Variants in PAX8 observed in about 807,000 individuals in gnomAD.
The protein encoded by PAX8 is paired box protein Pax-8.
PAX8 carries 15 observed loss-of-function variants against 52.4 expected under a neutral mutation model. The observed-to-expected ratio is 0.29, with a 90% CI of 0.19 to 0.44. The LOEUF (loss-of-function observed/expected upper bound fraction) is 0.44. Among genes scored for constraint, PAX8 ranks in the 20% least tolerant of loss-of-function variants. The pLI, the probability that PAX8 is intolerant of heterozygous loss-of-function variation, is 1.00. For missense variants in PAX8, 554 were observed against 602.5 expected (o/e 0.92, Z 0.84); for synonymous variants, 284 against 249.7 (o/e 1.14, Z -1.29).
intron 5 of PAX8, 76 bp from the exon 6 acceptor site, chr2:113,242,206 AC>A: frequency 1.5e-6 from 2 of 1,336,030 alleles, no homozygotes; most frequent in Non-Finnish European, 2.1e-6. Context: ...TGGGGTAGTT[AC>A]AGTTGAGCTG....
intron 2 of PAX8, among the ~76,000 whole-genome samples, chr2:113,251,259 T>C (rs1191452723): frequency 6.6e-6 from 1 of 151,884 alleles, no homozygotes; most frequent in Admixed American, 6.6e-5. Context: ...GCACTGGGGT[T>C]GGGGGGACGA....
intron 9 of PAX8, among the ~76,000 whole-genome samples, chr2:113,229,311 T>A (rs557854598): frequency 6.1e-4 from 93 of 152,350 alleles, no homozygotes; most frequent in Non-Finnish European, 9.8e-4. Context: ...GGCACCTTAT[T>A]ACAATTTCTA....
chr2:113,244,689 A>C, intron 3 of PAX8, 65 bp from the exon 4 acceptor site: 2 of 1,449,126 alleles, frequency 1.4e-6, no homozygotes, highest in South Asian at 2.3e-5. Flanking sequence ...ACAGGGATTT[A>C]GCCAGAGCCT....
intron 2 of PAX8, chr2:113,255,242 GGGGAGGAGGGA>G (rs1180290813): frequency 0.025 from 304 of 12,168 alleles, 33 homozygotes; most frequent in East Asian, 0.087. Context: ...GGAGGAGGGA[GGGGAGGAGGGA>G]GGGAGGAGGG....
intron 2 of PAX8, among the ~76,000 whole-genome samples, chr2:113,247,870 C>A (rs1185301933): frequency 6.6e-6 from 1 of 152,206 alleles, no homozygotes; most frequent in Non-Finnish European, 1.5e-5. Flanking sequence ...GACCAGCAAA[C>A]AGCCAGTTAA....
Position 113,236,759 on chromosome 2 carries a change from C to T in PAX8, c.778-38G>A, listed in dbSNP as rs759780484. The T allele has an allele frequency of 1.9e-6, 3 of 1,542,472 alleles. No homozygotes were observed. The South Asian group carries it at 3.6e-5, about 18-fold the overall frequency. On this transcript the variant is annotated intron_variant, in intron 7 of 11. Transcript: ENST00000429538. ...GAGAAGTCAGCGCACAGAGACGATC[C>T]AACAAGCCGACCTTCCTGCAGACCC...
intron 2 of PAX8, among the ~76,000 whole-genome samples, chr2:113,258,259 G>A (rs1377179017): frequency 1.3e-5 from 2 of 152,116 alleles, no homozygotes; most frequent in African/African-American, 4.8e-5. Flanking sequence ...TTACTCTTGT[G>A]TACTGGCTGG....
Position 113,246,738 on chromosome 2 carries a change from T to G in PAX8, c.191+16A>C, listed in dbSNP as rs1443946605. ...GCCCTGCGGGGAAGGCGGCCTGCGG[T>G]GAATTTCGTGCTTACCTGCCAAGGA... On this transcript the variant is annotated intron_variant, in intron 3 of 11. Transcript: ENST00000429538. 1.9e-6 allele frequency: 3 copies of G among 1,609,522 alleles called. No individual in the cohort carries two copies. The highest frequency in any genetic ancestry group is 2.5e-6 in the Non-Finnish European group (3 of 1,177,010).
At chr2:113,244,340 C>G (rs1257697737) in intron 4 of PAX8, 87 bp downstream of exon 4, 1 of 1,053,328 alleles carries the variant, frequency 9.5e-7, no homozygotes, top group African/African-American at 1.6e-5. Flanking sequence ...CTCTGCTCCA[C>G]CCAAGCCAGG....
chr2:113,250,445 G>A (rs1006437480), intron 2 of PAX8, among the ~76,000 whole-genome samples: 1 of 152,194 alleles, frequency 6.6e-6, no homozygotes, highest in Non-Finnish European at 1.5e-5. Context: ...ACTTCAGTGT[G>A]CATCAGAATC....
chr2:113,235,818 G>C, intron 8 of PAX8: 1 of 529,590 alleles, frequency 1.9e-6, no homozygotes, highest in Non-Finnish European at 3.3e-6. Context: ...CGGAAGGCGT[G>C]TGTGCGCCCG....
chr2:113,247,523 TTCTC>T (rs34027779), intron 2 of PAX8, among the ~76,000 whole-genome samples: 22,118 of 152,162 alleles, frequency 0.15, 1,800 homozygotes, highest in Non-Finnish European at 0.19. Context: ...GGTTCCTTCT[TTCTC>T]TAATAGGCCA....
intron 7 of PAX8, chr2:113,239,912 G>A (rs954508613): frequency 6.6e-6 from 1 of 152,132 alleles, no homozygotes; most frequent in African/African-American, 2.4e-5. Flanking sequence ...GGACAAGGTG[G>A]TCATGGAGGT....
chr2:113,256,815 T>C (rs116602058), intron 2 of PAX8, among the ~76,000 whole-genome samples: 2,784 of 152,264 alleles, frequency 0.018, 77 homozygotes, highest in African/African-American at 0.064. Context: ...GACTAACTTA[T>C]TACTTTGGCA....
At chr2:113,262,914 G>A (rs1573527123) in intron 2 of PAX8, among the ~76,000 whole-genome samples, 1 of 152,342 alleles carries the variant, frequency 6.6e-6, no homozygotes, top group East Asian at 1.9e-4. Context: ...TTTCTATTAT[G>A]TAAGCCCTCC....
At chr2:113,246,182 C>A (rs1691307621) in intron 3 of PAX8, among the ~76,000 whole-genome samples, 8 of 152,244 alleles carry the variant, frequency 5.3e-5, no homozygotes, top group Admixed American at 5.2e-4. Flanking sequence ...AAACTTGCGC[C>A]TATTTCCCTA....
chr2:113,259,803 C>T (rs1692533085), intron 2 of PAX8, among the ~76,000 whole-genome samples: 1 of 152,226 alleles, frequency 6.6e-6, no homozygotes, highest in African/African-American at 2.4e-5. Flanking sequence ...CCAGATCCTT[C>T]CCACTGAGCT....
chr2:113,217,845 C>A lies in PAX8; in HGVS notation c.*688G>T. 4.3e-6 allele frequency: 1 copy of A among 233,362 alleles called. No individual in the cohort carries two copies. The highest frequency in any genetic ancestry group is 6.0e-5 in the East Asian group (1 of 16,558). 14.5% of individuals were successfully genotyped at this position (233,362 alleles called of 1,614,324 possible). A position where few individuals can be genotyped will look rare whatever the true frequency, so the allele number is the denominator to read the frequency against. On this transcript the variant is annotated 3_prime_UTR_variant, in exon 12 of 12. Transcript: ENST00000429538. ...AAGGGGATGCCGCACTGCAGGAGGA[C>A]CTGGGGTGGTGCTATACCTTCACAG...
chr2:113,251,267 C>T (rs983263910), intron 2 of PAX8, among the ~76,000 whole-genome samples: 5 of 152,070 alleles, frequency 3.3e-5, no homozygotes, highest in Non-Finnish European at 5.9e-5. Context: ...GTTGGGGGGA[C>T]GATTGGCGCC....
Sources: gnomAD v4.1 joint callset for allele counts (sites outside exome capture counted in the v4.1 genomes callset) on GRCh38, gnomAD v4.1.1 for gene constraint, MANE v1.5 for transcripts, NCBI Gene and HGNC (gene_info 2026-07-23, HGNC 2026-07-21) for gene names.